Variants in IKZF1 observed in about 807,000 individuals in gnomAD.
IKZF1 encodes the protein IKAROS family zinc finger 1.
A neutral mutation model predicts 51.7 loss-of-function variants in IKZF1; 10 were observed. The ratio of observed to expected loss-of-function variants is 0.19; its 90% CI spans 0.12 to 0.33. The LOEUF is 0.33. IKZF1 is among the 10% of genes least tolerant of loss of function. The pLI is 1.00. For synonymous variants in IKZF1, 280 were observed against 282.3 expected (o/e 0.99, Z 0.08); for missense variants, 484 against 707.5 (o/e 0.68, Z 3.58).
intron 5 of IKZF1, among the ~76,000 whole-genome samples, chr7:50,383,081 A>G (rs1812319900): frequency 6.6e-6 from 1 of 152,200 alleles, no homozygotes; most frequent in Non-Finnish European, 1.5e-5. Context: ...GTTTTCAAGT[A>G]CAATTCTTTC....
intron 3 of IKZF1, among the ~76,000 whole-genome samples, chr7:50,347,823 A>G (rs918881724): frequency 6.6e-6 from 1 of 152,192 alleles, no homozygotes; most frequent in African/African-American, 2.4e-5. Flanking sequence ...TAGAAAGCTT[A>G]AGTGAAAGGG....
At chr7:50,322,117 T>G (rs2153370409) in intron 2 of IKZF1, among the ~76,000 whole-genome samples, 1 of 152,352 alleles carries the variant, frequency 6.6e-6, no homozygotes, top group Non-Finnish European at 1.5e-5. Context: ...GAGTTTGATC[T>G]CTGCTTCTCC....
rs188035411 is a variant in IKZF1, at chr7:50,346,231, T to C, written c.160+18474T>C. On this transcript the variant is annotated intron_variant, in intron 3 of 7. Coordinates refer to ENST00000331340, the MANE Select transcript of IKZF1 (RefSeq NM_006060.6). ...ATAAAACATACTGGATGGAAGGCTG[T>C]CGAGAGATCATCAGGCCCCAGTGCA... Among the ~76,000 whole-genome samples the C allele has an allele frequency of 3.3e-3, 498 of 152,306 alleles. 2 individuals are homozygous for C. Among genetic ancestry groups the C allele is most frequent in the African/African-American group, 0.011 (473 of 41,564 alleles).
In IKZF1 at chr7:50,376,474, T is replaced by C. The variant is rs1447039124; in HGVS notation, c.161-59T>C. On this transcript the variant is annotated intron_variant, in intron 3 of 7. Transcript: ENST00000331340. This position sits in a 1 kb window ranked among gnomAD's most constrained non-coding sequence, Gnocchi z 4.5. ...TGATTGTCTTTTTGCTGCTGTGTTG[T>C]TTTGTTGAGTTTTTTTTTTGCAATG... is the stretch of plus-strand genomic sequence containing the variant. The C allele has an allele frequency of 6.3e-7, 1 of 1,589,760 alleles. No individual in the cohort carries two copies.
chr7:50,346,222 G>A (rs552866194), intron 3 of IKZF1, among the ~76,000 whole-genome samples: 1 of 152,176 alleles, frequency 6.6e-6, no homozygotes, highest in Non-Finnish European at 1.5e-5. Context: ...CATACTGGAT[G>A]GAAGGCTGTC....
intron 3 of IKZF1, among the ~76,000 whole-genome samples, chr7:50,336,870 G>C (rs898453322): frequency 6.6e-6 from 1 of 152,130 alleles, no homozygotes; most frequent in Non-Finnish European, 1.5e-5. Flanking sequence ...AGCTCAGGAG[G>C]GACAGCCAAC....
intron 3 of IKZF1, among the ~76,000 whole-genome samples, chr7:50,334,799 G>T (rs1214834237): frequency 1.3e-5 from 2 of 150,880 alleles, no homozygotes; most frequent in Non-Finnish European, 3.0e-5. Context: ...TATGTGTGTG[G>T]GATGCATGAT....
intron 2 of IKZF1, among the ~76,000 whole-genome samples, chr7:50,321,153 T>C (rs1181605507): frequency 6.6e-6 from 1 of 152,240 alleles, no homozygotes; most frequent in African/African-American, 2.4e-5. Flanking sequence ...CTTGGAAGAC[T>C]GATGGTAGAA....
chr7:50,367,781 G>A (rs1807396418), intron 3 of IKZF1: 1 of 516,886 alleles, frequency 1.9e-6, no homozygotes, highest in Non-Finnish European at 3.5e-6. Flanking sequence ...CACTTTATGG[G>A]ATATAATGCT....
chr7:50,326,523 T>C (rs1488075950), intron 2 of IKZF1, among the ~76,000 whole-genome samples: 1 of 152,218 alleles, frequency 6.6e-6, no homozygotes, highest in East Asian at 1.9e-4. Context: ...GCAGCTTCAG[T>C]GGAGAAAAGA....
intron 2 of IKZF1, among the ~76,000 whole-genome samples, chr7:50,319,442 A>T (rs1171972069): frequency 6.6e-6 from 1 of 152,210 alleles, no homozygotes; most frequent in Admixed American, 6.5e-5. Context: ...AGAGAGAGAG[A>T]GAAGCTTGAA....
chr7:50,403,814 T>C lies in IKZF1; in HGVS notation c.*3187T>C, dbSNP rs1402103395. The stretch of plus-strand genomic sequence containing the variant: ...GGTTCCCCACCGACCATTTTTGTGC[T>C]TTTTTCTTGTTTTGTTTTGTTTTGA... On this transcript the variant is annotated 3_prime_UTR_variant, in exon 8 of 8. Coordinates refer to ENST00000331340, the MANE Select transcript of IKZF1 (RefSeq NM_006060.6). The C allele has an allele frequency of 4.5e-6, 1 of 224,386 alleles. No individual in the cohort carries two copies. The allele number at this position is 224,386 out of a possible 1,614,324, so 13.9% of individuals were successfully genotyped here. A position where few individuals can be genotyped will look rare whatever the true frequency, so the allele number is the denominator to read the frequency against.
chr7:50,304,706 T>G (rs1048335613), upstream of IKZF1: 1 of 151,862 alleles, frequency 6.6e-6, no homozygotes, highest in African/African-American at 2.4e-5. Flanking sequence ...CGCGGCCAAG[T>G]TAGCAGGACA....
Position 50,402,723 on chromosome 7 carries a change from A to T in IKZF1, c.*2096A>T, listed in dbSNP as rs1319553574. ...TAAACATTTGAGTTTTGTTGAAAAG[A>T]TGGAGTTTACAAAGATACCATTCTT... is the stretch of plus-strand genomic sequence containing the variant. On this transcript the variant is annotated 3_prime_UTR_variant, in exon 8 of 8. Coordinates refer to ENST00000331340, the MANE Select transcript of IKZF1 (RefSeq NM_006060.6). 8.7e-6 allele frequency: 2 copies of T among 229,960 alleles called. No homozygotes were observed. The highest frequency in any genetic ancestry group is 1.7e-5 in the Non-Finnish European group (2 of 116,032). 14.2% of individuals were successfully genotyped at this position (229,960 alleles called of 1,614,324 possible).
rs2153517929 is a variant in IKZF1 at position 50,400,047 on chromosome 7, T to C, written c.980T>C (p.Leu327Pro). 6.2e-7 allele frequency: 1 copy of C among 1,608,404 alleles called. No individual in the cohort carries two copies. The highest frequency in any genetic ancestry group is 8.5e-7 in the Non-Finnish European group (1 of 1,177,834). The change falls in exon 8 of 8, where the codon CTG becomes CCG. Residue 327 changes from leucine (L) to proline (P), a missense_variant. Around this residue, in one of 6 missense-constraint regions of IKZF1, gnomAD observed 172 missense variants for 192.7 expected, o/e 0.89. Coordinates refer to ENST00000331340, the MANE Select transcript of IKZF1 (RefSeq NM_006060.6). This position sits in a 1 kb window ranked among gnomAD's most constrained non-coding sequence, Gnocchi z 5.4. The part of the protein sequence containing the change: ...NAINYLGAES[L>P]RPLVQTPPGG... ...ATCAACTACCTGGGGGCCGAGTCCC[T>C]GCGCCCGCTGGTGCAGACGCCCCCG... is the stretch of plus-strand genomic sequence containing the variant.
chr7:50,357,397 C>T (rs1433772301), intron 3 of IKZF1, among the ~76,000 whole-genome samples: 1 of 151,096 alleles, frequency 6.6e-6, no homozygotes, highest in Non-Finnish European at 1.5e-5. Flanking sequence ...CCCCCCACCT[C>T]CACTTGTTGA....
At chr7:50,361,054 A>G (rs1805051986) in intron 3 of IKZF1, among the ~76,000 whole-genome samples, 1 of 152,194 alleles carries the variant, frequency 6.6e-6, no homozygotes, top group Non-Finnish European at 1.5e-5. Flanking sequence ...TTTTTCACTT[A>G]TATTGAGGAC....
At chr7:50,382,878 C>T (rs150237572) in intron 5 of IKZF1, among the ~76,000 whole-genome samples, 171 bp downstream of exon 5, 100 of 152,254 alleles carry the variant, frequency 6.6e-4, no homozygotes, top group Non-Finnish European at 1.2e-3. Flanking sequence ...ATCCCCCCTC[C>T]CCATATTCTC....
chr7:50,310,158 G>T, intron 1 of IKZF1, among the ~76,000 whole-genome samples: 1 of 152,180 alleles, frequency 6.6e-6, no homozygotes, highest in East Asian at 1.9e-4. Context: ...TTTAAAAGTT[G>T]GTAGGAAGTT....
Sources: allele counts gnomAD v4.1 joint callset (sites outside exome capture counted in the v4.1 genomes callset), GRCh38; gene constraint gnomAD v4.1.1; regional missense constraint gnomAD v4.1.1; non-coding constraint Gnocchi (gnomAD v3.1); transcripts MANE v1.5; gene names NCBI Gene and HGNC (gene_info 2026-07-23, HGNC 2026-07-21).